Variants in GRK2 observed in about 807,000 individuals in gnomAD.
GRK2 encodes the protein G protein-coupled receptor kinase 2.
In GRK2, 23 loss-of-function variants were observed where a neutral mutation model predicts 97.8. That is an observed-to-expected ratio of 0.24 (90% CI 0.17 to 0.33). GRK2 has a LOEUF of 0.33. Among genes scored for constraint, GRK2 ranks in the 10% least tolerant of loss-of-function variants. GRK2 has a pLI of 1.00. For synonymous variants in GRK2, 425 were observed against 381.7 expected, an observed-to-expected ratio of 1.11 and a Z score of -1.32; for missense variants, 633 against 956.9, an observed-to-expected ratio of 0.66 and a Z score of 4.47.
chr11:67,285,208 G>A lies in GRK2; in HGVS notation c.1905+20G>A. On this transcript the variant is annotated intron_variant, in intron 20 of 20. Transcript: ENST00000308595. ...TGCGATGTGAGTGGGGGCTGAGCCA[G>A]GGATGGGAGGGCCGAGGGGCCAGGC... is the stretch of plus-strand genomic sequence containing the variant. 1 of 1,613,006 alleles carries A rather than the reference G, an allele frequency of 6.2e-7. No individual in the cohort carries two copies. The highest frequency in any genetic ancestry group is 8.5e-7 in the Non-Finnish European group (1 of 1,179,782).
At chr11:67,284,004 G>A in intron 17 of GRK2, 55 bp downstream of exon 17, 2 of 1,504,340 alleles carry the variant, frequency 1.3e-6, no homozygotes, top group Non-Finnish European at 1.8e-6. Flanking sequence ...GCCTGGGGAA[G>A]GATCCCTCTC....
chr11:67,277,319 C>T lies in GRK2; in HGVS notation c.161C>T (p.Thr54Ile). 1 of 1,613,770 alleles carries T rather than the reference C, an allele frequency of 6.2e-7. No homozygotes were observed. The stretch of plus-strand genomic sequence containing the variant: ...TACCTGGAGGACCGGGGCGAGGTGA[C>T]CTTTGAGAAGATCTTTTCCCAGAAG... ...QKYLEDRGEV[T>I]FEKIFSQKLG... is the part of the protein sequence containing the mutation. Residue 54 changes from threonine (T) to isoleucine (I), a missense_variant, in exon 2 of 21, where the codon ACC (threonine) becomes ATC (isoleucine). By Grantham distance (89) the Thr-to-Ile change is moderately conservative. Transcript: ENST00000308595.
chr11:67,279,634 G>A lies in GRK2; in HGVS notation c.375G>A (p.Ser125=), dbSNP rs180697376. The part of the protein sequence containing the change: ...KELLACSHPF[S]KSATEHVQGH... ...ACCTCTGTCTTCCCCAGCCCTTCTC[G>A]AAGAGTGCCACTGAGCATGTCCAAG... The change falls in exon 5 of 21, where the codon TCG becomes TCA. Residue 125 remains serine (S), a synonymous_variant. Coordinates refer to ENST00000308595, the MANE Select transcript of GRK2 (RefSeq NM_001619.5). The A allele has an allele frequency of 1.7e-5, 27 of 1,613,496 alleles. No individual in the cohort carries two copies. Among genetic ancestry groups the A allele is most frequent in the Admixed American group, 1.2e-4 (7 of 60,024 alleles).
At position 67,281,087 on chromosome 11, in the gene GRK2, C is replaced by T. The variant is rs377648047; in HGVS notation, c.556-6C>T. 2 of 1,611,004 alleles carry T rather than the reference C, an allele frequency of 1.2e-6. No individual in the cohort carries two copies. The highest frequency in any genetic ancestry group is 2.2e-5 in the East Asian group (1 of 44,838). On this transcript the variant is annotated splice_polypyrimidine_tract_variant and splice_region_variant and intron_variant, in intron 7 of 20. Transcript: ENST00000308595. The surrounding 1 kb of genome is among the most constrained non-coding windows in gnomAD (Gnocchi z 5.7). ...TGTGGTGACCGCAGCTGTCGCTGCCCCTCAGCTGACCATGAATGACTTCAG... is the reference window on the plus strand; with the variant it reads ...TGTGGTGACCGCAGCTGTCGCTGCCTCTCAGCTGACCATGAATGACTTCAG...
In GRK2 at chr11:67,281,443, G is replaced by A. The variant is rs372806471; in HGVS notation, c.648-16G>A. 12 of 1,611,562 alleles carry A rather than the reference G, an allele frequency of 7.4e-6. No individual in the cohort carries two copies. The highest frequency in any genetic ancestry group is 1.7e-5 in the Admixed American group (1 of 59,988). ...GCTCTGAGGGTGGGTGTTGACTGCCGACCTCTGCCCCGTAGGTACGCCATG... is the reference window on the plus strand; with the variant it reads ...GCTCTGAGGGTGGGTGTTGACTGCCAACCTCTGCCCCGTAGGTACGCCATG... On this transcript the variant is annotated splice_polypyrimidine_tract_variant and intron_variant, in intron 8 of 20. Coordinates refer to ENST00000308595, the MANE Select transcript of GRK2 (RefSeq NM_001619.5). This position sits in a 1 kb window ranked among gnomAD's most constrained non-coding sequence, Gnocchi z 5.7.
Position 67,266,692 on chromosome 11 carries a change from CCG to C in GRK2, c.-6_-5del, listed in dbSNP as rs1229839762. On this transcript the variant is annotated 5_prime_UTR_variant, in exon 1 of 21. Transcript: ENST00000308595. ...GCGGCGGCGGGAGGAGGCAGCGCCG[CCG>C]CCAAGATGGCGGACCTGGAGGCGGT... The C allele has an allele frequency of 8.3e-7, 1 of 1,211,180 alleles. No homozygotes were observed. The highest frequency in any genetic ancestry group is 2.8e-5 in the South Asian group (1 of 36,162). The allele number at this position is 1,211,180 out of a possible 1,614,324, so 75.0% of individuals were successfully genotyped here. A position where few individuals can be genotyped will look rare whatever the true frequency, so the allele number is the denominator to read the frequency against.
chr11:67,277,094 G>T, intron 1 of GRK2, 178 bp from the exon 2 acceptor site: 1 of 546,592 alleles, frequency 1.8e-6, no homozygotes, highest in Non-Finnish European at 3.2e-6. Flanking sequence ...GCAGGCAAAG[G>T]CTTCCTTGAA....
chr11:67,275,328 A>G (rs1340771296), intron 1 of GRK2, among the ~76,000 whole-genome samples: 1 of 152,172 alleles, frequency 6.6e-6, no homozygotes, highest in African/African-American at 2.4e-5. Context: ...CCAGGTCCGC[A>G]CTGTCTGGAG....
chr11:67,281,645 C>T lies in GRK2; in HGVS notation c.748-5C>T. 1.2e-6 allele frequency: 2 copies of T among 1,609,576 alleles called. No homozygotes were observed. The highest frequency in any genetic ancestry group is 1.7e-6 in the Non-Finnish European group (2 of 1,176,610). On this transcript the variant is annotated splice_polypyrimidine_tract_variant and splice_region_variant and intron_variant, in intron 9 of 20. Transcript: ENST00000308595. This position sits in a 1 kb window ranked among gnomAD's most constrained non-coding sequence, Gnocchi z 5.7. ...CCCGCCCCCTCCCCTCCTCTCCCCTCCTAGGACTGCCCATTCATTGTCTGC... is the reference window on the plus strand; with the variant it reads ...CCCGCCCCCTCCCCTCCTCTCCCCTTCTAGGACTGCCCATTCATTGTCTGC...
Position 67,266,810 on chromosome 11 carries a change from C to G in GRK2, c.111C>G (p.Pro37=). 1 of 1,294,632 alleles carries G rather than the reference C, an allele frequency of 7.7e-7. No homozygotes were observed. Among genetic ancestry groups the G allele is most frequent in the Admixed American group, 3.4e-5 (1 of 29,408 alleles). The allele number at this position is 1,294,632 out of a possible 1,614,324, so 80.2% of individuals were successfully genotyped here. ...RASKKILLPE[P]SIRSVMQKYL... ...GCAAGAAGATCCTGCTGCCCGAGCC[C>G]AGGTGAGGAGAAGCTGCCCGCGGCC... Residue 37 remains proline, a splice_region_variant and synonymous_variant, in exon 1 of 21, where the codon CCC becomes CCG. Transcript: ENST00000308595.
Position 67,281,750 on chromosome 11 carries a change from G to C in GRK2, c.826+22G>C. ...AACGGTGAGTGCTGGCCGGGCCCTAGGGTGGGCCGGGCCCAGGCACGGGAG... is the reference window on the plus strand; with the variant it reads ...AACGGTGAGTGCTGGCCGGGCCCTACGGTGGGCCGGGCCCAGGCACGGGAG... On this transcript the variant is annotated intron_variant, in intron 10 of 20. Transcript: ENST00000308595. This position sits in a 1 kb window ranked among gnomAD's most constrained non-coding sequence, Gnocchi z 5.7. 1 of 1,613,460 alleles carries C rather than the reference G, an allele frequency of 6.2e-7. No homozygotes were observed. The highest frequency in any genetic ancestry group is 8.5e-7 in the Non-Finnish European group (1 of 1,179,860).
intron 2 of GRK2, among the ~76,000 whole-genome samples, chr11:67,278,776 C>T (rs1860084258): frequency 6.6e-6 from 1 of 152,192 alleles, no homozygotes; most frequent in Non-Finnish European, 1.5e-5. Context: ...CATCCCAGGG[C>T]CCCCAGACTG....
chr11:67,282,410 GC>G lies in GRK2; in HGVS notation c.1053-24del. 8.2e-7 allele frequency: 1 copy of G among 1,224,902 alleles called. No individual in the cohort carries two copies. The highest frequency in any genetic ancestry group is 1.1e-6 in the Non-Finnish European group (1 of 888,160). 75.9% of individuals were successfully genotyped at this position (1,224,902 alleles called of 1,614,324 possible). A position where few individuals can be genotyped will look rare whatever the true frequency, so the allele number is the denominator to read the frequency against. On this transcript the variant is annotated intron_variant, in intron 12 of 20. Transcript: ENST00000308595. This position sits in a 1 kb window ranked among gnomAD's most constrained non-coding sequence, Gnocchi z 6.9. ...TCCCTCCCCACCCCTTGCCACTCCC[GC>G]TTATGGCCCCCTTGCTCCCACAGGG...
At chr11:67,275,070 C>T (rs892862984) in intron 1 of GRK2, among the ~76,000 whole-genome samples, 2 of 152,172 alleles carry the variant, frequency 1.3e-5, no homozygotes, top group Admixed American at 6.5e-5. Context: ...GAAGAGGCCG[C>T]GGCCCCTCCC....
Position 67,283,688 on chromosome 11 carries a change from G to A in GRK2, c.1329-19G>A. ...ACTCAGGGTGGGGCTGAGCCCAGAT[G>A]ACTGGCCTCTCCCCACAGGGCTCAG... On this transcript the variant is annotated intron_variant, in intron 15 of 20. Coordinates refer to ENST00000308595, the MANE Select transcript of GRK2 (RefSeq NM_001619.5). 6.2e-7 allele frequency: 1 copy of A among 1,612,346 alleles called. No individual in the cohort carries two copies. The highest frequency in any genetic ancestry group is 8.5e-7 in the Non-Finnish European group (1 of 1,179,670).
At position 67,285,157 on chromosome 11, in the gene GRK2, G is replaced by T; in HGVS notation, c.1874G>T (p.Arg625Leu). The T allele has an allele frequency of 6.2e-7, 1 of 1,613,588 alleles. No homozygotes were observed. Among genetic ancestry groups the T allele is most frequent in the Non-Finnish European group, 8.5e-7 (1 of 1,179,950 alleles). The change falls in exon 20 of 21, where the codon CGC becomes CTC. Residue 625 changes from arginine (R) to leucine (L), a missense_variant. Arg to Leu is a moderately radical substitution (Grantham distance 102). Transcript: ENST00000308595. ...CGCAAGTGCCTGCTCCTCAAGATCC[G>T]CGGTGGGAAACAGTTCATTTTGCAG... ...KERKCLLLKI[R>L]GGKQFILQCD...
intron 1 of GRK2, among the ~76,000 whole-genome samples, chr11:67,271,527 G>A (rs564874023): frequency 6.6e-5 from 10 of 152,368 alleles, no homozygotes; most frequent in Non-Finnish European, 1.2e-4. Flanking sequence ...GCATTCTAGC[G>A]TAATGCAGAT....
chr11:67,277,446 C>T, intron 2 of GRK2, 98 bp downstream of exon 2: 1 of 1,118,512 alleles, frequency 8.9e-7, no homozygotes, highest in Non-Finnish European at 1.3e-6. Context: ...GATTTGGCCT[C>T]CCATCCACTC....
Position 67,283,757 on chromosome 11 carries a change from T to C in GRK2, c.1379T>C (p.Met460Thr), listed in dbSNP as rs768877784. 1 of 1,613,702 alleles carries C rather than the reference T, an allele frequency of 6.2e-7. No homozygotes were observed. The highest frequency in any genetic ancestry group is 1.7e-5 in the Admixed American group (1 of 60,024). ...SPFFRSLDWQMVFLQKYPPPL... is the reference protein window; with the variant it reads ...SPFFRSLDWQTVFLQKYPPPL... Reference sequence around the variant, plus strand: ...TTTTTCCGCTCCCTGGACTGGCAGATGGTCTTCTTGCAGAAGGTAACAGTC... The same window carrying C: ...TTTTTCCGCTCCCTGGACTGGCAGACGGTCTTCTTGCAGAAGGTAACAGTC... The change falls in exon 16 of 21, where the codon ATG becomes ACG. Residue 460 changes from methionine (M) to threonine (T), a missense_variant. Coordinates refer to ENST00000308595, the MANE Select transcript of GRK2 (RefSeq NM_001619.5).
Sources: gnomAD v4.1 joint callset for allele counts (sites outside exome capture counted in the v4.1 genomes callset) on GRCh38, gnomAD v4.1.1 for gene constraint, Gnocchi (gnomAD v3.1) non-coding constraint, MANE v1.5 for transcripts, NCBI Gene and HGNC (gene_info 2026-07-23, HGNC 2026-07-21) for gene names.